SIK3: variants seen among roughly 807,000 people sequenced by gnomAD.
SIK3 encodes the protein serine/threonine-protein kinase SIK3.
SIK3 carries 28 observed loss-of-function variants against 144.2 expected under a neutral mutation model. That is an observed-to-expected ratio of 0.19 (90% CI 0.14 to 0.27). The LOEUF is 0.27. Ranked by LOEUF, SIK3 falls within the 10% of genes least tolerant of loss-of-function variation. The pLI is 1.00. For synonymous variants in SIK3, 686 were observed against 676.3 expected (o/e 1.01, Z -0.22); for missense variants, 1,319 against 1,776.0 (o/e 0.74, Z 4.62).
intron 3 of SIK3, among the ~76,000 whole-genome samples, chr11:116,951,719 C>T (rs1352717620): frequency 2.0e-5 from 3 of 151,978 alleles, no homozygotes; most frequent in Non-Finnish European, 4.4e-5. Flanking sequence ...AGGATTGCTA[C>T]AGCCCAGGAG....
At chr11:117,037,727 T>G (rs1477740015) in intron 1 of SIK3, among the ~76,000 whole-genome samples, 1 of 152,122 alleles carries the variant, frequency 6.6e-6, no homozygotes, top group South Asian at 2.1e-4. Flanking sequence ...GTGGGGTGAT[T>G]GCCCTAGATA....
chr11:117,087,283 A>C (rs1357777149), intron 1 of SIK3, among the ~76,000 whole-genome samples: 1 of 152,026 alleles, frequency 6.6e-6, no homozygotes, highest in Admixed American at 6.6e-5. Context: ...TCTCTACTAA[A>C]AATACAAAAA....
chr11:116,961,756 A>C (rs1372599839), intron 1 of SIK3, among the ~76,000 whole-genome samples: 2 of 152,194 alleles, frequency 1.3e-5, no homozygotes, highest in Non-Finnish European at 2.9e-5. Flanking sequence ...TTGACATTCT[A>C]ATATTAATTA....
intron 21 of SIK3, among the ~76,000 whole-genome samples, chr11:116,856,384 T>C (rs923149953): frequency 6.6e-6 from 1 of 152,142 alleles, no homozygotes; most frequent in Non-Finnish European, 1.5e-5. Context: ...ATAAAGGTCT[T>C]CCACAGGGTG....
At position 116,857,624 on chromosome 11, in the gene SIK3, A is replaced by G. The variant is rs1943025074; in HGVS notation, c.3655+186T>C. ...GTTAATTTTGTATCATGGTCCTTTGATTTTGAAAATGGACCCCTTGCCCAC... is the reference window on the plus strand; with the variant it reads ...GTTAATTTTGTATCATGGTCCTTTGGTTTTGAAAATGGACCCCTTGCCCAC... On this transcript the variant is annotated intron_variant, in intron 21 of 24. Transcript: ENST00000445177. 4 of 925,004 alleles carry G rather than the reference A, an allele frequency of 4.3e-6. No individual in the cohort carries two copies. The South Asian group carries it at 5.9e-5, about 14-fold the overall frequency. 57.3% of individuals were successfully genotyped at this position (925,004 alleles called of 1,614,324 possible).
chr11:117,023,871 G>T lies in SIK3; in HGVS notation c.274-66807C>A, dbSNP rs569510083. Among the ~76,000 whole-genome samples, 93 of 151,884 alleles carry T rather than the reference G, an allele frequency of 6.1e-4. No individual in the cohort carries two copies. The Middle Eastern group carries it at 0.01, about 17-fold the overall frequency. On this transcript the variant is annotated intron_variant, in intron 1 of 24. Transcript: ENST00000445177. ...TTTTTGTATTTTTAGTAGAGACGGG[G>T]TCTTGCTATGTTGGCCAGGCTGGTC...
intron 1 of SIK3, among the ~76,000 whole-genome samples, chr11:117,058,374 G>A (rs1953636888): frequency 6.6e-6 from 1 of 152,018 alleles, no homozygotes; most frequent in Admixed American, 6.6e-5. Flanking sequence ...ACAGAAAGTA[G>A]CGAGGCATGG....
rs1177821474 is a variant in SIK3 at position 116,846,372 on chromosome 11, G to A, written c.*13+11C>T. The A allele has an allele frequency of 4.3e-6, 7 of 1,612,456 alleles. No homozygotes were observed. Among genetic ancestry groups the A allele is most frequent in the African/African-American group, 1.3e-5 (1 of 74,914 alleles). On this transcript the variant is annotated intron_variant, in intron 24 of 24. Transcript: ENST00000445177. The surrounding 1 kb of genome is among the most constrained non-coding windows in gnomAD (Gnocchi z 4.1). Reference sequence around the variant, plus strand: ...CAGGGCTGGTTTGGCTCTGGCCAGGGTGACACTCACTCTCTGTTTCTTGTT... The same window carrying A: ...CAGGGCTGGTTTGGCTCTGGCCAGGATGACACTCACTCTCTGTTTCTTGTT...
chr11:117,007,647 G>T (rs555311206), intron 1 of SIK3, among the ~76,000 whole-genome samples: 7 of 152,066 alleles, frequency 4.6e-5, no homozygotes, highest in Non-Finnish European at 1.0e-4. Flanking sequence ...GCCCCCTCAG[G>T]GACTCACAAT....
At chr11:117,070,864 T>C (rs1283089688) in intron 1 of SIK3, among the ~76,000 whole-genome samples, 1 of 150,904 alleles carries the variant, frequency 6.6e-6, no homozygotes, top group African/African-American at 2.5e-5. Flanking sequence ...GCAATTCTCC[T>C]GTCTCAGCCT....
At chr11:116,901,461 G>A (rs1430661789) in intron 4 of SIK3, among the ~76,000 whole-genome samples, 2 of 152,144 alleles carry the variant, frequency 1.3e-5, no homozygotes, top group African/African-American at 4.8e-5. Flanking sequence ...CATAAGGGGT[G>A]TGGCAGTCAG....
intron 1 of SIK3, among the ~76,000 whole-genome samples, chr11:117,094,851 C>T (rs1955401598): frequency 6.6e-6 from 1 of 151,510 alleles, no homozygotes; most frequent in South Asian, 2.1e-4. Flanking sequence ...GCAGGTAGGA[C>T]AAAGACAGCC....
At chr11:117,023,621 A>AAATATATATATATATATAT (rs754624841) in intron 1 of SIK3, among the ~76,000 whole-genome samples, 5 of 95,408 alleles carry the variant, frequency 5.2e-5, no homozygotes, top group African/African-American at 2.2e-4. Context: ...AAAAAAAAAA[A>AAATATATATATATATATAT]ATATATATAT....
chr11:116,896,242 G>T lies in SIK3; in HGVS notation c.865+11C>A. The T allele has an allele frequency of 6.2e-7, 1 of 1,612,968 alleles. No individual in the cohort carries two copies. Among genetic ancestry groups the T allele is most frequent in the South Asian group, 1.1e-5 (1 of 90,898 alleles). ...AACCCATTCATAGCTGTGTGCTAGCGACTCCCTTACCTGTGGACATAAAAA... is the reference window on the plus strand; with the variant it reads ...AACCCATTCATAGCTGTGTGCTAGCTACTCCCTTACCTGTGGACATAAAAA... On this transcript the variant is annotated intron_variant, in intron 6 of 24. Coordinates refer to ENST00000445177, the MANE Select transcript of SIK3 (RefSeq NM_001366686.3).
intron 6 of SIK3, among the ~76,000 whole-genome samples, chr11:116,892,440 T>C (rs764090191): frequency 4.6e-5 from 7 of 152,166 alleles, no homozygotes; most frequent in East Asian, 3.8e-4. Context: ...CAAAGATATA[T>C]AGATGGCAAA....
chr11:117,094,236 A>G (rs566984439), intron 1 of SIK3, among the ~76,000 whole-genome samples: 1 of 152,304 alleles, frequency 6.6e-6, no homozygotes, highest in African/African-American at 2.4e-5. Context: ...CAGGCAAGTG[A>G]TATATATTTG....
intron 1 of SIK3, among the ~76,000 whole-genome samples, chr11:117,093,006 C>T (rs1288576606): frequency 6.6e-6 from 1 of 152,178 alleles, no homozygotes; most frequent in South Asian, 2.1e-4. Context: ...AGACTAGTCT[C>T]AATCAGTCTT....
At chr11:116,870,776 G>A (rs1458279529) in intron 13 of SIK3, among the ~76,000 whole-genome samples, 1 of 152,150 alleles carries the variant, frequency 6.6e-6, no homozygotes, top group Non-Finnish European at 1.5e-5. Context: ...TCTAATGGGG[G>A]TGTTTGGGAA....
chr11:117,094,286 T>C (rs1456599443), intron 1 of SIK3, among the ~76,000 whole-genome samples: 1 of 152,140 alleles, frequency 6.6e-6, no homozygotes, highest in Non-Finnish European at 1.5e-5. Context: ...AAGGCTTTTA[T>C]AGTCATGCAT....
Sources: allele counts gnomAD v4.1 joint callset (sites outside exome capture counted in the v4.1 genomes callset), GRCh38; gene constraint gnomAD v4.1.1; non-coding constraint Gnocchi (gnomAD v3.1); transcripts MANE v1.5; gene names NCBI Gene and HGNC (gene_info 2026-07-23, HGNC 2026-07-21).